Variants in PFKM observed in about 807,000 individuals in gnomAD.
PFKM encodes the protein ATP-dependent 6-phosphofructokinase, muscle type.
In PFKM, 58 loss-of-function variants were observed where a neutral mutation model predicts 95.5. The observed-to-expected ratio is 0.61, with a 90% CI of 0.49 to 0.76. The LOEUF is 0.76. PFKM is among the 30% of genes least tolerant of loss of function. The pLI is 0.00. For missense variants in PFKM, 678 were observed against 1,005.4 expected (o/e 0.67, Z 4.40); for synonymous variants, 336 against 357.2 (o/e 0.94, Z 0.67).
At chr12:48,143,039 C>A (rs1592810361) in intron 18 of PFKM, 93 bp downstream of exon 18, 1 of 1,227,932 alleles carries the variant, frequency 8.1e-7, no homozygotes, top group East Asian at 2.5e-5. Context: ...AGTTGAGGAC[C>A]GAGCTGATTG....
Position 48,145,853 on chromosome 12 carries a change from G to T in PFKM, c.*145G>T. The T allele has an allele frequency of 1.2e-6, 1 of 817,034 alleles. No individual in the cohort carries two copies. Among genetic ancestry groups the T allele is most frequent in the Non-Finnish European group, 2.0e-6 (1 of 505,598 alleles). The allele number at this position is 817,034 out of a possible 1,614,324, so 50.6% of individuals were successfully genotyped here. Reference sequence around the variant, plus strand: ...TGCAGCCATGACCAGTTCTGGCCAGGAGCTGGAGGAGCAGGCAGTGGGTGG... The same window carrying T: ...TGCAGCCATGACCAGTTCTGGCCAGTAGCTGGAGGAGCAGGCAGTGGGTGG... On this transcript the variant is annotated 3_prime_UTR_variant, in exon 23 of 23. Transcript: ENST00000359794. This position sits in a 1 kb window ranked among gnomAD's most constrained non-coding sequence, Gnocchi z 4.3.
chr12:48,139,636 C>T lies in PFKM; in HGVS notation c.1128-213C>T, dbSNP rs571505629. ...GCAAGGGACAGTCTCTTGTGCTGAG[C>T]ATAGTGCCTGAAGAAGAGTACTGAG... On this transcript the variant is annotated intron_variant, in intron 12 of 22. Transcript: ENST00000359794. 356 of 639,422 alleles carry T rather than the reference C, an allele frequency of 5.6e-4. 1 individual carries two copies. Among genetic ancestry groups the T allele is most frequent in the Middle Eastern group, 4.1e-4 (1 of 2,430 alleles). The allele number at this position is 639,422 out of a possible 1,614,324, so 39.6% of individuals were successfully genotyped here.
chr12:48,122,559 G>A lies in PFKM; in HGVS notation c.-8-208G>A. The A allele has an allele frequency of 4.3e-6, 6 of 1,407,784 alleles. No individual in the cohort carries two copies. In the South Asian group the frequency reaches 9.0e-5, roughly 21 times the overall value. The allele number at this position is 1,407,784 out of a possible 1,614,324, so 87.2% of individuals were successfully genotyped here. On this transcript the variant is annotated intron_variant, in intron 1 of 22. Coordinates refer to ENST00000359794, the MANE Select transcript of PFKM (RefSeq NM_000289.6). ...GGAATTAGGACCTTAGTAGTCTTGG[G>A]CTTGATTACATGACATTTCAGCTTG...
rs535977439 is a variant in PFKM at position 48,121,358 on chromosome 12, G to A, written c.-8-1409G>A. Among the ~76,000 whole-genome samples, 7 of 152,322 alleles carry A rather than the reference G, an allele frequency of 4.6e-5. No individual in the cohort carries two copies. The East Asian group carries it at 1.3e-3, about 29-fold the overall frequency. Reference sequence around the variant, plus strand: ...TGAAGCTATATGCAAGGGCTAAATTGTAGAAGCTTCGAATGCCAACCCAAC... The same window carrying A: ...TGAAGCTATATGCAAGGGCTAAATTATAGAAGCTTCGAATGCCAACCCAAC... On this transcript the variant is annotated intron_variant, in intron 1 of 22. Transcript: ENST00000359794.
chr12:48,139,968 C>T, intron 13 of PFKM, 56 bp downstream of exon 13: 1 of 1,137,736 alleles, frequency 8.8e-7, no homozygotes, highest in Non-Finnish European at 1.3e-6. Flanking sequence ...CCCAGTCTCT[C>T]TTCATAAATG....
At position 48,134,994 on chromosome 12, in the gene PFKM, A is replaced by G. The variant is rs779395153; in HGVS notation, c.799A>G (p.Ile267Val). ...LNIIIVAEGAIDKNGKPITSE... is the reference protein window; with the variant it reads ...LNIIIVAEGAVDKNGKPITSE... Reference sequence around the variant, plus strand: ...CATCATCATTGTGGCTGAGGGTGCAATTGACAAGAATGGAAAACCAATCAC... The same window carrying G: ...CATCATCATTGTGGCTGAGGGTGCAGTTGACAAGAATGGAAAACCAATCAC... The change falls in exon 9 of 23, where the codon ATT becomes GTT. Residue 267 changes from isoleucine to valine, a missense_variant. Coordinates refer to ENST00000359794, the MANE Select transcript of PFKM (RefSeq NM_000289.6). 16 of 1,613,896 alleles carry G rather than the reference A, an allele frequency of 9.9e-6. No individual in the cohort carries two copies. The highest frequency in any genetic ancestry group is 2.7e-5 in the African/African-American group (2 of 74,874).
At position 48,107,497 on chromosome 12, in the gene PFKM, G is replaced by C. The variant is rs144941151; in HGVS notation, c.82+42G>C. 134 of 1,288,190 alleles carry C rather than the reference G, an allele frequency of 1.0e-4. No individual in the cohort carries two copies. The African/African-American group carries it at 1.8e-3, about 18-fold the overall frequency. 79.8% of individuals were successfully genotyped at this position (1,288,190 alleles called of 1,614,324 possible). ...ATCATACTCCAGTGACAGAGAATGG[G>C]TTCTCTCACAAGAAGTCTAAATACA... On this transcript the variant is annotated intron_variant, in intron 2 of 24. Transcript: ENST00000340802.
intron 3 of PFKM, among the ~76,000 whole-genome samples, chr12:48,110,371 A>T (rs1281190283): frequency 6.6e-6 from 1 of 152,124 alleles, no homozygotes; most frequent in African/African-American, 2.4e-5. Context: ...GAATGATAGG[A>T]TCATATTGCG....
At chr12:48,130,559 CT>C in intron 3 of PFKM, 123 bp downstream of exon 3, 2 of 814,308 alleles carry the variant, frequency 2.5e-6, no homozygotes, top group South Asian at 2.7e-5. Flanking sequence ...TTTGATTTTC[CT>C]TGACTCCGTA....
chr12:48,118,772 T>C (rs1360251455), upstream of PFKM, among the ~76,000 whole-genome samples: 1 of 152,136 alleles, frequency 6.6e-6, no homozygotes, highest in African/African-American at 2.4e-5. Context: ...TCATTCCAAA[T>C]AGCTAGCTTT....
At chr12:48,122,250 C>G (rs1354946937) in intron 1 of PFKM, among the ~76,000 whole-genome samples, 2 of 152,268 alleles carry the variant, frequency 1.3e-5, no homozygotes, top group Non-Finnish European at 2.9e-5. Context: ...TCACCTAACC[C>G]CATTCCAATA....
Position 48,144,171 on chromosome 12 carries a change from C to A in PFKM, c.1992+14C>A, listed in dbSNP as rs768826611. On this transcript the variant is annotated intron_variant, in intron 20 of 22. Coordinates refer to ENST00000359794, the MANE Select transcript of PFKM (RefSeq NM_000289.6). Reference sequence around the variant, plus strand: ...CACATGCAGCAGGTAGGGAAGACACCGTAGTCATGCCCTTCATCAGACAGC... The same window carrying A: ...CACATGCAGCAGGTAGGGAAGACACAGTAGTCATGCCCTTCATCAGACAGC... 86 of 1,524,944 alleles carry A rather than the reference C, an allele frequency of 5.6e-5. 1 individual carries two copies. In the Admixed American group the frequency reaches 1.4e-3, roughly 24 times the overall value. The allele number at this position is 1,524,944 out of a possible 1,614,324, so 94.5% of individuals were successfully genotyped here. A position where few individuals can be genotyped will look rare whatever the true frequency, so the allele number is the denominator to read the frequency against.
At chr12:48,128,173 G>A (rs1187883462) in intron 2 of PFKM, among the ~76,000 whole-genome samples, 1 of 152,164 alleles carries the variant, frequency 6.6e-6, no homozygotes, top group East Asian at 1.9e-4. Context: ...TAGGTCCCAT[G>A]ACAAATGCTG....
At position 48,145,476 on chromosome 12, in the gene PFKM, TTCTG is replaced by T. The variant is rs1950964363; in HGVS notation, c.2199-84_2199-81del. 2.0e-6 allele frequency: 3 copies of T among 1,515,854 alleles called. No homozygotes were observed. The highest frequency in any genetic ancestry group is 1.4e-5 in the African/African-American group (1 of 73,068). The allele number at this position is 1,515,854 out of a possible 1,614,324, so 93.9% of individuals were successfully genotyped here. ...ATGCACATGTCCTAAATCTAACCTC[TTCTG>T]TCTAACTTCTTCCTATAAACCTTTG... is the stretch of plus-strand genomic sequence containing the variant. On this transcript the variant is annotated intron_variant, in intron 22 of 22. Transcript: ENST00000359794. This position sits in a 1 kb window ranked among gnomAD's most constrained non-coding sequence, Gnocchi z 4.3.
At chr12:48,125,816 A>C (rs376650629) in intron 2 of PFKM, among the ~76,000 whole-genome samples, 5 of 152,194 alleles carry the variant, frequency 3.3e-5, no homozygotes, top group Non-Finnish European at 5.9e-5. Context: ...CTGGCTTGCT[A>C]TTCTAAGGTT....
rs776783895 is a variant in PFKM, at chr12:48,145,214, G to C, written c.2097G>C (p.Arg699=). The change falls in exon 22 of 23, where the codon CGG becomes CGC. Residue 699 remains arginine (R), a synonymous_variant. Transcript: ENST00000359794. The surrounding 1 kb of genome is among the most constrained non-coding windows in gnomAD (Gnocchi z 4.3). ...ACTGCCCATCCCTCATTGCAGGGCG[G>C]ATCTTTGCCAATACTCCAGATTCGG... ...GKIKESYRNG[R]IFANTPDSGC... 15 of 1,614,128 alleles carry C rather than the reference G, an allele frequency of 9.3e-6. No individual in the cohort carries two copies. The South Asian group carries it at 1.6e-4, about 18-fold the overall frequency.
chr12:48,140,693 C>T (rs764321465), intron 13 of PFKM, 29 bp from the exon 14 acceptor site: 9 of 1,613,664 alleles, frequency 5.6e-6, no homozygotes, highest in South Asian at 4.4e-5. Flanking sequence ...GGTTTCTGTC[C>T]TCATTTTTCC....
At chr12:48,140,620 C>T in intron 13 of PFKM, 102 bp from the exon 14 acceptor site, 1 of 1,126,752 alleles carries the variant, frequency 8.9e-7, no homozygotes, top group Middle Eastern at 2.0e-4. Context: ...ATCCTGATCC[C>T]TGGATGACAA....
chr12:48,110,539 G>A (rs1220992430), intron 3 of PFKM, among the ~76,000 whole-genome samples: 2 of 152,156 alleles, frequency 1.3e-5, no homozygotes, highest in African/African-American at 4.8e-5. Flanking sequence ...AGGAACTCAT[G>A]TCGTCAAACA....
Sources: allele counts gnomAD v4.1 joint callset (sites outside exome capture counted in the v4.1 genomes callset), GRCh38; gene constraint gnomAD v4.1.1; non-coding constraint Gnocchi (gnomAD v3.1); transcripts MANE v1.5; gene names NCBI Gene and HGNC (gene_info 2026-07-23, HGNC 2026-07-21).